Variants in CMTM8 observed in about 807,000 individuals in gnomAD.
CMTM8 encodes CKLF like MARVEL transmembrane domain containing 8.
Under a neutral mutation model 18.6 loss-of-function variants are expected in CMTM8, and 12 were observed. The observed-to-expected ratio is 0.65, with a 90% CI of 0.41 to 1.05. The LOEUF (loss-of-function observed/expected upper bound fraction) is 1.05. Ranked by LOEUF, CMTM8 falls within the 50% of genes least tolerant of loss-of-function variation. CMTM8 has a pLI of 0.00. For synonymous variants in CMTM8, 87 were observed against 90.6 expected (o/e 0.96, Z 0.23); for missense variants, 217 against 227.2 (o/e 0.95, Z 0.29).
At chr3:32,351,257 A>T (rs1382791556) in intron 1 of CMTM8, among the ~76,000 whole-genome samples, 1 of 152,246 alleles carries the variant, frequency 6.6e-6, no homozygotes, top group East Asian at 1.9e-4. Context: ...AGAAAAAAAT[A>T]AAATTTGCCT....
intron 1 of CMTM8, among the ~76,000 whole-genome samples, chr3:32,296,834 G>GAAA (rs556230649): frequency 1.8e-3 from 271 of 152,304 alleles, no homozygotes; most frequent in African/African-American, 6.0e-3. Flanking sequence ...ACCACAAAGG[G>GAAA]AAAAACCAGG....
chr3:32,247,794 T>A (rs1702060003), intron 1 of CMTM8, among the ~76,000 whole-genome samples: 1 of 152,222 alleles, frequency 6.6e-6, no homozygotes, highest in South Asian at 2.1e-4. Flanking sequence ...TTTTGAAATG[T>A]CTTCCTACTG....
chr3:32,259,379 GC>G, intron 1 of CMTM8: 1 of 841,710 alleles, frequency 1.2e-6, no homozygotes. Context: ...TGTGGACAAT[GC>G]CCGCATTGTT....
At chr3:32,302,069 A>C (rs1383738594) in intron 1 of CMTM8, among the ~76,000 whole-genome samples, 1 of 151,010 alleles carries the variant, frequency 6.6e-6, no homozygotes, top group African/African-American at 2.4e-5. Context: ...ATGGTGGCTC[A>C]TGCCTGTAAT....
chr3:32,267,019 T>C (rs1702356592), intron 1 of CMTM8, among the ~76,000 whole-genome samples: 1 of 152,104 alleles, frequency 6.6e-6, no homozygotes, highest in South Asian at 2.1e-4. Flanking sequence ...AAAATGGCCA[T>C]ACTGCCCAAG....
At chr3:32,319,074 A>ATATATATGTATTT in intron 1 of CMTM8, among the ~76,000 whole-genome samples, 1 of 31,530 alleles carries the variant, frequency 3.2e-5, no homozygotes, top group Non-Finnish European at 5.1e-5. Context: ...ATATATATAT[A>ATATATATGTATTT]TTTTTTTTTT....
intron 1 of CMTM8, among the ~76,000 whole-genome samples, chr3:32,269,209 A>T (rs939227133): frequency 2.6e-5 from 4 of 152,132 alleles, no homozygotes; most frequent in African/African-American, 9.7e-5. Context: ...TCTCCCTTCA[A>T]CTTTAGTTTT....
chr3:32,363,708 T>C (rs1007659609), intron 2 of CMTM8, among the ~76,000 whole-genome samples: 2 of 152,214 alleles, frequency 1.3e-5, no homozygotes, highest in Non-Finnish European at 2.9e-5. Flanking sequence ...CTTCCTTCTT[T>C]CTTTTTTGGT....
rs183583377 is a variant in CMTM8, at chr3:32,316,308, T to A, written c.148-41065T>A. Among the ~76,000 whole-genome samples the A allele has an allele frequency of 5.6e-4, 85 of 152,262 alleles. No homozygotes were observed. In the South Asian group the frequency reaches 6.2e-3, roughly 11 times the overall value. On this transcript the variant is annotated intron_variant, in intron 1 of 3. Coordinates refer to ENST00000307526, the MANE Select transcript of CMTM8 (RefSeq NM_178868.5). Reference sequence around the variant, plus strand: ...TCCCAAAGTGCTGGGATTACAGGCGTGAGCCACCACACCCGGCCAATTCCA... The same window carrying A: ...TCCCAAAGTGCTGGGATTACAGGCGAGAGCCACCACACCCGGCCAATTCCA...
chr3:32,352,631 G>A (rs1000026099), intron 1 of CMTM8, among the ~76,000 whole-genome samples: 2 of 152,190 alleles, frequency 1.3e-5, no homozygotes, highest in Admixed American at 6.5e-5. Flanking sequence ...TTTATATGAA[G>A]ATCAAAAGCA....
chr3:32,252,674 GA>G (rs1362759498), intron 1 of CMTM8, among the ~76,000 whole-genome samples: 1 of 152,192 alleles, frequency 6.6e-6, no homozygotes, highest in Non-Finnish European at 1.5e-5. Context: ...TGATTTATAA[GA>G]AAGCTGTTAA....
intron 1 of CMTM8, among the ~76,000 whole-genome samples, chr3:32,315,274 C>T (rs562545141): frequency 1.3e-4 from 20 of 152,048 alleles, no homozygotes; most frequent in East Asian, 3.9e-4. Context: ...GGATTACAGG[C>T]GCATGCCACC....
At chr3:32,329,017 A>T (rs1030878539) in intron 1 of CMTM8, among the ~76,000 whole-genome samples, 1 of 152,192 alleles carries the variant, frequency 6.6e-6, no homozygotes, top group African/African-American at 2.4e-5. Context: ...TGAGATAAAG[A>T]TACTGTAAGT....
intron 1 of CMTM8, among the ~76,000 whole-genome samples, chr3:32,315,850 A>C (rs1695917471): frequency 1.3e-5 from 2 of 152,036 alleles, no homozygotes; most frequent in Non-Finnish European, 2.9e-5. Context: ...CCTATATTTT[A>C]TTTCTTTTAA....
chr3:32,259,207 A>G, intron 1 of CMTM8: 2 of 526,958 alleles, frequency 3.8e-6, no homozygotes, highest in South Asian at 3.4e-5. Context: ...GACCACGCAC[A>G]GCCTGAACGA....
chr3:32,321,131 T>G (rs1696039958), intron 1 of CMTM8, among the ~76,000 whole-genome samples: 1 of 151,872 alleles, frequency 6.6e-6, no homozygotes, highest in Non-Finnish European at 1.5e-5. Flanking sequence ...CAGACAGGGT[T>G]TAAAAATAAC....
chr3:32,284,177 C>T (rs973250143), intron 1 of CMTM8, among the ~76,000 whole-genome samples: 4 of 152,204 alleles, frequency 2.6e-5, no homozygotes, highest in Admixed American at 6.5e-5. Flanking sequence ...CATTTGAGCC[C>T]GGGAGGCAGA....
chr3:32,321,729 C>T (rs568022123), intron 1 of CMTM8, among the ~76,000 whole-genome samples: 3 of 152,188 alleles, frequency 2.0e-5, no homozygotes, highest in Non-Finnish European at 4.4e-5. Context: ...TCCCAAGTGG[C>T]TGGGACTACA....
chr3:32,367,901 C>G lies in CMTM8; in HGVS notation c.351C>G (p.Val117=), dbSNP rs542831787. The G allele has an allele frequency of 1.1e-5, 17 of 1,614,088 alleles. No homozygotes were observed. The South Asian group carries it at 1.9e-4, about 18-fold the overall frequency. Residue 117 remains valine (V), a synonymous_variant, in exon 3 of 4, where the codon GTC becomes GTG. Coordinates refer to ENST00000307526, the MANE Select transcript of CMTM8 (RefSeq NM_178868.5). ...VGLCFNGSAF[V]LYLSAAVVDA... ...TGTGCTTTAACGGCAGTGCCTTCGT[C>G]TTGTACCTCTCTGCCGCTGTTGTAG...
Sources: gnomAD v4.1 joint callset for allele counts (sites outside exome capture counted in the v4.1 genomes callset) on GRCh38, gnomAD v4.1.1 for gene constraint, MANE v1.5 for transcripts, NCBI Gene and HGNC (gene_info 2026-07-23, HGNC 2026-07-21) for gene names.